Variants in TANC1 observed in about 807,000 individuals in gnomAD.
The protein encoded by TANC1 is protein TANC1.
TANC1 carries 77 observed loss-of-function variants against 149.7 expected under a neutral mutation model. The observed-to-expected ratio is 0.51, with a 90% confidence interval of 0.43 to 0.62. TANC1 has a LOEUF of 0.62. TANC1 is among the 20% of genes least tolerant of loss of function. TANC1 has a pLI of 0.00. For synonymous variants in TANC1, 854 were observed against 925.0 expected (o/e 0.92, Z 1.39); for missense variants, 1,985 against 2,321.8 (o/e 0.85, Z 2.98).
Position 159,165,978 on chromosome 2 carries a change from A to G in TANC1, c.946+2432A>G, listed in dbSNP as rs191826240. On this transcript the variant is annotated intron_variant, in intron 8 of 26. Coordinates refer to ENST00000263635, the MANE Select transcript of TANC1 (RefSeq NM_033394.3). ...CAGGTTTTTTTATTTTTATTTTTTG[A>G]CAAAGATTATAAAAATAAGTTGGCT... Among the ~76,000 whole-genome samples the G allele has an allele frequency of 3.6e-3, 544 of 152,256 alleles. 2 individuals are homozygous for G. Among genetic ancestry groups the G allele is most frequent in the Non-Finnish European group, 6.1e-3 (418 of 68,018 alleles).
chr2:158,986,796 C>T (rs999631455), intron 1 of TANC1, among the ~76,000 whole-genome samples: 19 of 152,302 alleles, frequency 1.2e-4, no homozygotes, highest in Middle Eastern at 3.4e-3. Flanking sequence ...TACATTCATA[C>T]TTAATTCTGC....
intron 4 of TANC1, among the ~76,000 whole-genome samples, chr2:159,112,465 A>G (rs1405293430): frequency 1.3e-5 from 2 of 151,540 alleles, no homozygotes; most frequent in African/African-American, 4.9e-5. Flanking sequence ...CATGTTGCCC[A>G]GGCTGGTGTC....
intron 19 of TANC1, among the ~76,000 whole-genome samples, chr2:159,199,986 A>G (rs1423164112): frequency 6.6e-6 from 1 of 152,198 alleles, no homozygotes; most frequent in Non-Finnish European, 1.5e-5. Context: ...CCAAAGAAGG[A>G]GCTGGGTGTG....
chr2:159,162,400 G>A (rs573329686), intron 7 of TANC1, among the ~76,000 whole-genome samples: 1 of 152,332 alleles, frequency 6.6e-6, no homozygotes, highest in African/African-American at 2.4e-5. Context: ...GCCAGCGTTA[G>A]TTCTAACAGT....
At chr2:158,988,197 C>A (rs537461371) in intron 1 of TANC1, among the ~76,000 whole-genome samples, 3 of 151,586 alleles carry the variant, frequency 2.0e-5, no homozygotes, top group Non-Finnish European at 4.4e-5. Flanking sequence ...TGGTGGTGGG[C>A]GCCTGTAATC....
At chr2:159,126,670 A>G (rs1415177699) in intron 4 of TANC1, among the ~76,000 whole-genome samples, 4 of 152,054 alleles carry the variant, frequency 2.6e-5, no homozygotes, top group Admixed American at 1.3e-4. Flanking sequence ...CTGGTTAACT[A>G]CTCTTGGAGC....
At chr2:159,063,849 C>T (rs1237299899) in intron 2 of TANC1, among the ~76,000 whole-genome samples, 1 of 152,040 alleles carries the variant, frequency 6.6e-6, no homozygotes, top group Non-Finnish European at 1.5e-5. Flanking sequence ...CCGTGTGATG[C>T]CTATTCTGAG....
chr2:159,167,629 A>G (rs1333387641), intron 8 of TANC1, among the ~76,000 whole-genome samples: 2 of 152,346 alleles, frequency 1.3e-5, no homozygotes, highest in Non-Finnish European at 2.9e-5. Context: ...GCATAGGTGC[A>G]TGCTGTCGTG....
intron 2 of TANC1, among the ~76,000 whole-genome samples, chr2:159,055,678 C>T (rs565568605): frequency 6.6e-6 from 1 of 152,268 alleles, no homozygotes; most frequent in Admixed American, 6.5e-5. Context: ...TACTTTTTCT[C>T]TCTGGCTATC....
chr2:159,011,527 A>ATTTT (rs10586189), intron 2 of TANC1, among the ~76,000 whole-genome samples: 11 of 106,732 alleles, frequency 1.0e-4, no homozygotes, highest in South Asian at 3.8e-4. Context: ...TACACCTTAA[A>ATTTT]TTTTTTTTTT....
chr2:159,095,372 T>G (rs938988800), intron 3 of TANC1, among the ~76,000 whole-genome samples: 1 of 152,180 alleles, frequency 6.6e-6, no homozygotes, highest in African/African-American at 2.4e-5. Context: ...AGACTAAAAT[T>G]ATCTGACTTT....
chr2:159,150,494 G>A lies in TANC1; in HGVS notation c.620G>A (p.Ser207Asn). 6.2e-7 allele frequency: 1 copy of A among 1,614,126 alleles called. No individual in the cohort carries two copies. Among genetic ancestry groups the A allele is most frequent in the Non-Finnish European group, 8.5e-7 (1 of 1,180,004 alleles). ...SCVSKTAANK[S>N]PCETISSPSS... Reference sequence around the variant, plus strand: ...GTCAGCAAGACGGCAGCCAACAAAAGTCCCTGTGAGACCATTAGCAGCCCT... The same window carrying A: ...GTCAGCAAGACGGCAGCCAACAAAAATCCCTGTGAGACCATTAGCAGCCCT... Residue 207 changes from serine to asparagine, a missense_variant, in exon 7 of 27, where the codon AGT becomes AAT. By Grantham distance (46) the Ser-to-Asn change is conservative. Transcript: ENST00000263635.
chr2:159,181,543 C>T (rs59772626), intron 14 of TANC1, among the ~76,000 whole-genome samples: 103,396 of 152,106 alleles, frequency 0.68, 35,869 homozygotes, highest in East Asian at 0.94. Context: ...GTGATCCGCC[C>T]GCCTCGGCCT....
At chr2:159,198,667 A>G (rs927702451) in intron 18 of TANC1, among the ~76,000 whole-genome samples, 1 of 152,210 alleles carries the variant, frequency 6.6e-6, no homozygotes, top group Admixed American at 6.5e-5. Context: ...ACTTTGTGTG[A>G]TCTGCCATGT....
At chr2:159,074,917 T>C (rs999466539) in intron 3 of TANC1, among the ~76,000 whole-genome samples, 1 of 152,124 alleles carries the variant, frequency 6.6e-6, no homozygotes, top group East Asian at 1.9e-4. Context: ...TCTCTTCTTA[T>C]AAGAGCGCTA....
chr2:159,034,581 A>AG (rs760572592), intron 2 of TANC1, among the ~76,000 whole-genome samples: 27 of 152,304 alleles, frequency 1.8e-4, no homozygotes, highest in African/African-American at 6.0e-4. Flanking sequence ...GGCGGTTGAT[A>AG]GTGTAACAGT....
At chr2:159,098,480 A>G (rs2149920571) in intron 4 of TANC1, among the ~76,000 whole-genome samples, 1 of 152,338 alleles carries the variant, frequency 6.6e-6, no homozygotes, top group East Asian at 1.9e-4. Flanking sequence ...ACTGTAATCC[A>G]AACTCATACG....
intron 4 of TANC1, among the ~76,000 whole-genome samples, chr2:159,098,512 A>T (rs2046359361): frequency 6.6e-6 from 1 of 152,234 alleles, no homozygotes; most frequent in South Asian, 2.1e-4. Flanking sequence ...AAGGTTATGG[A>T]TGTAGGCAAA....
chr2:159,001,924 G>A lies in TANC1; in HGVS notation c.-16+735G>A, dbSNP rs902986467. ...GAGGACCTGGGATAGGGAAATGCTG[G>A]GTGAAAAGAGGAGGGTTGGGGATAG... is the stretch of plus-strand genomic sequence containing the variant. On this transcript the variant is annotated intron_variant, in intron 2 of 26. Coordinates refer to ENST00000263635, the MANE Select transcript of TANC1 (RefSeq NM_033394.3). The surrounding 1 kb of genome is among the most constrained non-coding windows in gnomAD (Gnocchi z 4.3). Among the ~76,000 whole-genome samples, 1 of 152,138 alleles carries A rather than the reference G, an allele frequency of 6.6e-6. No homozygotes were observed. Among genetic ancestry groups the A allele is most frequent in the African/African-American group, 2.4e-5 (1 of 41,422 alleles).
Sources: allele counts gnomAD v4.1 joint callset (sites outside exome capture counted in the v4.1 genomes callset), GRCh38; gene constraint gnomAD v4.1.1; non-coding constraint Gnocchi (gnomAD v3.1); transcripts MANE v1.5; gene names NCBI Gene and HGNC (gene_info 2026-07-23, HGNC 2026-07-21).